GPD2: variants seen among roughly 807,000 people sequenced by gnomAD.
GPD2 encodes glycerol-3-phosphate dehydrogenase, mitochondrial.
GPD2 carries 54 observed loss-of-function variants against 82.4 expected under a neutral mutation model. That is an observed-to-expected ratio of 0.66 (90% CI 0.53 to 0.82). GPD2 has a LOEUF of 0.82. Ranked by LOEUF, GPD2 falls within the 40% of genes least tolerant of loss-of-function variation. The pLI is 0.00. For synonymous variants in GPD2, 288 were observed against 306.1 expected (o/e 0.94, Z 0.62); for missense variants, 748 against 896.2 (o/e 0.83, Z 2.11).
chr2:156,429,795 T>C, the GPD2 span, among the ~76,000 whole-genome samples: 1 of 152,216 alleles, frequency 6.6e-6, no homozygotes, highest in Non-Finnish European at 1.5e-5. Flanking sequence ...ATAACTCTGC[T>C]GTTAAGAATT....
At chr2:156,477,166 C>G (rs1031551108) in intron 2 of GPD2, among the ~76,000 whole-genome samples, 3 of 152,198 alleles carry the variant, frequency 2.0e-5, no homozygotes, top group African/African-American at 7.2e-5. Context: ...TTCACTGACT[C>G]AAACCTGTAA....
the GPD2 span, among the ~76,000 whole-genome samples, chr2:156,403,556 T>C: frequency 6.6e-6 from 1 of 152,112 alleles, no homozygotes; most frequent in Non-Finnish European, 1.5e-5. Context: ...AGAACTCTAT[T>C]GTTTAAGTAC....
At chr2:156,569,756 G>A (rs1687542905) in intron 11 of GPD2, among the ~76,000 whole-genome samples, 1 of 152,108 alleles carries the variant, frequency 6.6e-6, no homozygotes, top group South Asian at 2.1e-4. Flanking sequence ...AAAAAGTGGA[G>A]TTTATTTGGT....
chr2:156,454,767 C>T (rs1682729667), intron 1 of GPD2, among the ~76,000 whole-genome samples: 1 of 151,808 alleles, frequency 6.6e-6, no homozygotes, highest in African/African-American at 2.4e-5. Flanking sequence ...GAAAAGAGGG[C>T]TGTGGAGCAT....
At chr2:156,473,762 T>C (rs1683411891) in intron 1 of GPD2, 1 of 152,228 alleles carries the variant, frequency 6.6e-6, no homozygotes, top group African/African-American at 2.4e-5. Flanking sequence ...TAGGCACCCA[T>C]GTGAATGTTT....
intron 6 of GPD2, among the ~76,000 whole-genome samples, chr2:156,516,274 A>G (rs1350511262): frequency 6.6e-6 from 1 of 152,248 alleles, no homozygotes; most frequent in Admixed American, 6.5e-5. Flanking sequence ...TCTTGAAATA[A>G]TGTTGAATTT....
chr2:156,566,723 G>A (rs767336230), intron 9 of GPD2, among the ~76,000 whole-genome samples: 7 of 152,108 alleles, frequency 4.6e-5, no homozygotes, highest in African/African-American at 7.2e-5. Context: ...ATACCCAGAA[G>A]TGTAATTGCT....
intron 1 of GPD2, among the ~76,000 whole-genome samples, chr2:156,440,055 A>T (rs1359002919): frequency 6.6e-6 from 1 of 152,226 alleles, no homozygotes; most frequent in African/African-American, 2.4e-5. Flanking sequence ...TAAACTAAGA[A>T]GATATTATTA....
chr2:156,520,300 G>C (rs1685353714), intron 6 of GPD2, among the ~76,000 whole-genome samples: 1 of 151,872 alleles, frequency 6.6e-6, no homozygotes, highest in African/African-American at 2.4e-5. Flanking sequence ...GCTTGTGGAT[G>C]GGGCCATTGC....
chr2:156,557,720 A>T (rs1687016128), intron 9 of GPD2, 138 bp downstream of exon 9: 1 of 693,520 alleles, frequency 1.4e-6, no homozygotes, highest in Non-Finnish European at 2.6e-6. Flanking sequence ...AACATTTATG[A>T]GGGCCAAATT....
intron 1 of GPD2, among the ~76,000 whole-genome samples, chr2:156,461,678 C>T (rs555600088): frequency 6.6e-6 from 1 of 152,256 alleles, no homozygotes; most frequent in African/African-American, 2.4e-5. Context: ...TCATGTCCAG[C>T]CTACCCCAGT....
the GPD2 span, among the ~76,000 whole-genome samples, chr2:156,425,984 GCC>G: frequency 6.7e-6 from 1 of 150,330 alleles, no homozygotes; most frequent in Admixed American, 6.6e-5. Flanking sequence ...GTGCAGTGGC[GCC>G]ATCTCGGCTC....
intron 1 of GPD2, among the ~76,000 whole-genome samples, chr2:156,443,535 C>T (rs1039017621): frequency 2.0e-5 from 3 of 152,258 alleles, no homozygotes; most frequent in South Asian, 4.1e-4. Context: ...ATACTTTAAG[C>T]TTCATCTTTT....
At chr2:156,453,046 G>A (rs564137977) in intron 1 of GPD2, among the ~76,000 whole-genome samples, 1 of 152,282 alleles carries the variant, frequency 6.6e-6, no homozygotes, top group South Asian at 2.1e-4. Context: ...AACATCCTGG[G>A]GAAATGTAAT....
chr2:156,544,339 T>C (rs554581708), intron 6 of GPD2, among the ~76,000 whole-genome samples: 1 of 152,352 alleles, frequency 6.6e-6, no homozygotes, highest in Non-Finnish European at 1.5e-5. Context: ...CAAGTGTTCT[T>C]TTGAGCCTCT....
intron 6 of GPD2, among the ~76,000 whole-genome samples, chr2:156,548,345 T>C (rs1298975558): frequency 6.6e-6 from 1 of 152,216 alleles, no homozygotes; most frequent in Non-Finnish European, 1.5e-5. Flanking sequence ...TGTCATTGTT[T>C]TTTTCTTCTA....
At chr2:156,430,677 A>T (rs1688307090), upstream of GPD2, among the ~76,000 whole-genome samples, 2 of 152,238 alleles carry the variant, frequency 1.3e-5, no homozygotes, top group Non-Finnish European at 2.9e-5. Context: ...TTTACAGCCC[A>T]GTTCAGTTCT....
At position 156,582,812 on chromosome 2, in the gene GPD2, A is replaced by C. The variant is rs759762918; in HGVS notation, c.2078A>C (p.Lys693Thr). 6.2e-7 allele frequency: 1 copy of C among 1,613,158 alleles called. No individual in the cohort carries two copies. Among genetic ancestry groups the C allele is most frequent in the Non-Finnish European group, 8.5e-7 (1 of 1,179,246 alleles). ...TTTAAGCTGATGAGTGCTATTCAAAAAGGAAGGGTATCTGGAAGCCGGCTT... is the reference window on the plus strand; with the variant it reads ...TTTAAGCTGATGAGTGCTATTCAAACAGGAAGGGTATCTGGAAGCCGGCTT... Reference protein sequence around the residue: ...EFLQLMSAIQKGRVSGSRLAI... With the variant: ...EFLQLMSAIQTGRVSGSRLAI... The change falls in exon 17 of 17, where the codon AAA becomes ACA. Residue 693 changes from lysine (K) to threonine (T), a missense_variant. Physicochemically the swap from Lys to Thr is moderately conservative, Grantham distance 78. This residue lies in a region of GPD2 where 46 missense variants were observed against 49.1 expected (regional missense o/e 0.94). Transcript: ENST00000438166.
intron 5 of GPD2, among the ~76,000 whole-genome samples, chr2:156,512,921 T>C (rs537709332): frequency 3.3e-5 from 5 of 152,214 alleles, no homozygotes; most frequent in Non-Finnish European, 7.4e-5. Context: ...AGATTTTTTA[T>C]AATTTTGTTC....
Sources: gnomAD v4.1 joint callset for allele counts (sites outside exome capture counted in the v4.1 genomes callset) on GRCh38, gnomAD v4.1.1 for gene constraint, gnomAD v4.1.1 regional missense constraint, MANE v1.5 for transcripts, NCBI Gene and HGNC (gene_info 2026-07-23, HGNC 2026-07-21) for gene names.